The following TACC3 variants were observed in gnomAD, a reference collection of about 807,000 sequenced individuals.
TACC3 encodes transforming acidic coiled-coil-containing protein 3.
TACC3 carries 52 observed loss-of-function variants against 86.0 expected under a neutral mutation model. That is an observed-to-expected ratio of 0.60 (90% confidence interval 0.48 to 0.76). TACC3 has a LOEUF of 0.76. Ranked by LOEUF, TACC3 falls within the 30% of genes least tolerant of loss-of-function variation. TACC3 has a pLI of 0.00. For synonymous variants in TACC3, 512 were observed against 430.0 expected (o/e 1.19, Z -2.36); for missense variants, 1,120 against 1,070.4 (o/e 1.05, Z -0.65).
Position 1,730,841 on chromosome 4 carries a change from G to A in TACC3, c.1386-46G>A, listed in dbSNP as rs531117663. On this transcript the variant is annotated intron_variant, in intron 4 of 15. Coordinates refer to ENST00000313288, the MANE Select transcript of TACC3 (RefSeq NM_006342.3). ...CAGTGCTGGAGCAGGGGACGCCGGG[G>A]TTATGGGGTGGGGGGCATGGGCCTC... 150 of 1,583,242 alleles carry A rather than the reference G, an allele frequency of 9.5e-5. 4 individuals are homozygous for A. In the South Asian group the frequency reaches 1.6e-3, roughly 16 times the overall value.
At chr4:1,720,741 C>T (rs913685057), upstream of TACC3, 1 of 1,575,278 alleles carries the variant, frequency 6.3e-7, no homozygotes, top group Non-Finnish European at 8.6e-7. The surrounding 1 kb of genome is among the most constrained non-coding windows in gnomAD (Gnocchi z 4.4). Flanking sequence ...AGGTTCTGCA[C>T]CGTGAGCCCC....
intron 5 of TACC3, 91 bp downstream of exon 5, chr4:1,731,053 G>T (rs1445678094): frequency 6.3e-7 from 1 of 1,595,576 alleles, no homozygotes; most frequent in African/African-American, 1.3e-5. Context: ...CTTGGGTGAC[G>T]GGGTGGGATG....
Position 1,723,447 on chromosome 4 carries a change from A to AC in TACC3, c.26_27insC (p.Lys9AsnfsTer6), listed in dbSNP as rs1358044372. The AC allele has an allele frequency of 6.2e-7, 1 of 1,613,416 alleles. No homozygotes were observed. Among genetic ancestry groups the AC allele is most frequent in the Non-Finnish European group, 8.5e-7 (1 of 1,179,972 alleles). ...ATGAGTCTGCAGGTCTTAAACGACA[A>AC]AAATGTCAGCAATGAAAAAAATACA... On this transcript the variant is annotated frameshift_variant, in exon 2 of 16. Coordinates refer to ENST00000313288, the MANE Select transcript of TACC3 (RefSeq NM_006342.3). LOFTEE classifies it high-confidence loss of function.
rs566740890 is a variant in TACC3 at position 1,736,124 on chromosome 4, C to T, written c.1748+290C>T. On this transcript the variant is annotated intron_variant, in intron 8 of 15. Coordinates refer to ENST00000313288, the MANE Select transcript of TACC3 (RefSeq NM_006342.3). Reference sequence around the variant, plus strand: ...CTTAAATCTTTTAAGAGTACTTCCTCTAAAACAGAGGTCGGCAGGCCAGGC... The same window carrying T: ...CTTAAATCTTTTAAGAGTACTTCCTTTAAAACAGAGGTCGGCAGGCCAGGC... 1.1e-4 allele frequency among the ~76,000 whole-genome samples: 16 copies of T among 152,336 alleles called. No individual in the cohort carries two copies. In the East Asian group the frequency reaches 3.1e-3, roughly 29 times the overall value.
intron 3 of TACC3, among the ~76,000 whole-genome samples, chr4:1,724,981 G>T (rs1717616825): frequency 1.4e-5 from 2 of 139,046 alleles, no homozygotes; most frequent in Admixed American, 7.9e-5. Flanking sequence ...GCTCAGGCTG[G>T]AGTGCAATGG....
At chr4:1,731,427 T>G (rs779675877) in intron 6 of TACC3, 126 bp downstream of exon 6, 66 of 1,096,876 alleles carry the variant, frequency 6.0e-5, no homozygotes, top group Non-Finnish European at 8.4e-5. Flanking sequence ...TCCCTTGACT[T>G]TGAATGACTC....
In TACC3 at chr4:1,744,793, G is replaced by A. The variant is rs758061197; in HGVS notation, c.2412G>A (p.Gln804=). ...LALQASLRKE[Q]MRIQSLEKTV... ...TCCAGGCCAGCCTGAGGAAGGAGCA[G>A]ATGCGCATCCAGTCGCTGGAGAAGA... Residue 804 remains glutamine (Q), a synonymous_variant, in exon 15 of 16, where the codon CAG becomes CAA. Transcript: ENST00000313288. 1.2e-6 allele frequency: 2 copies of A among 1,612,934 alleles called. No homozygotes were observed. The highest frequency in any genetic ancestry group is 1.7e-6 in the Non-Finnish European group (2 of 1,180,040).
intron 1 of TACC3, 79 bp from the exon 2 acceptor site, chr4:1,723,342 G>A (rs1717511780): frequency 6.1e-6 from 9 of 1,481,084 alleles, no homozygotes; most frequent in African/African-American, 1.4e-5. Flanking sequence ...CGTGCCCCTT[G>A]CAGCAGCTGT....
intron 9 of TACC3, 76 bp downstream of exon 9, chr4:1,737,404 C>A: frequency 7.0e-7 from 1 of 1,428,980 alleles, no homozygotes; most frequent in Non-Finnish European, 9.8e-7. Flanking sequence ...CCTATATTTT[C>A]TATTCCTGGG....
At chr4:1,732,634 A>C (rs1718060148) in intron 6 of TACC3, among the ~76,000 whole-genome samples, 1 of 152,222 alleles carries the variant, frequency 6.6e-6, no homozygotes, top group African/African-American at 2.4e-5. Flanking sequence ...CTGACAGGAT[A>C]GTTGTGGGCC....
rs1438423717 is a variant in TACC3, at chr4:1,728,332, T to G, written c.930T>G (p.Ala310=). 6.2e-7 allele frequency: 1 copy of G among 1,612,930 alleles called. No individual in the cohort carries two copies. Among genetic ancestry groups the G allele is most frequent in the African/African-American group, 1.3e-5 (1 of 74,942 alleles). The change falls in exon 4 of 16, where the codon GCT becomes GCG. Residue 310 remains alanine, a synonymous_variant. Transcript: ENST00000313288. ...ESTAPTNHLV[A]GRAMTLSPQE... Reference sequence around the variant, plus strand: ...CAGCCCCAACCAACCACCTGGTGGCTGGCAGGGCCATGACCCTGAGTCCTC... The same window carrying G: ...CAGCCCCAACCAACCACCTGGTGGCGGGCAGGGCCATGACCCTGAGTCCTC...
intron 1 of TACC3, among the ~76,000 whole-genome samples, chr4:1,722,169 C>T (rs1278484695): frequency 6.6e-6 from 1 of 152,186 alleles, no homozygotes; most frequent in Non-Finnish European, 1.5e-5. Context: ...CAGCCTGGGG[C>T]CGGTCCCTTC....
intron 3 of TACC3, among the ~76,000 whole-genome samples, 187 bp from the exon 4 acceptor site, chr4:1,727,521 C>T (rs567326128): frequency 6.6e-6 from 1 of 152,256 alleles, no homozygotes; most frequent in South Asian, 2.1e-4. Context: ...GGAGCTGGTC[C>T]CTGGGAGGAC....
At chr4:1,731,632 G>A (rs2108695616) in intron 6 of TACC3, among the ~76,000 whole-genome samples, 1 of 152,226 alleles carries the variant, frequency 6.6e-6, no homozygotes, top group South Asian at 2.1e-4. Context: ...AATACTGCTT[G>A]AAACGACCTT....
chr4:1,731,743 C>T (rs1341615381), intron 6 of TACC3, among the ~76,000 whole-genome samples: 1 of 152,156 alleles, frequency 6.6e-6, no homozygotes, highest in African/African-American at 2.4e-5. Flanking sequence ...TCAAGAGATT[C>T]TCCTGCTCAG....
Position 1,745,076 on chromosome 4 carries a change from A to G in TACC3, c.*63A>G, listed in dbSNP as rs376674701. ...TCTGTCTGTCCTGTCTGATTCTCTT[A>G]GGTGTCATGTTCTTTTTTCTGTCTT... On this transcript the variant is annotated 3_prime_UTR_variant, in exon 16 of 16. Coordinates refer to ENST00000313288, the MANE Select transcript of TACC3 (RefSeq NM_006342.3). 2.5e-5 allele frequency: 38 copies of G among 1,499,748 alleles called. No homozygotes were observed. Among genetic ancestry groups the G allele is most frequent in the Non-Finnish European group, 3.2e-5 (35 of 1,107,288 alleles). The allele number at this position is 1,499,748 out of a possible 1,614,324, so 92.9% of individuals were successfully genotyped here. A position where few individuals can be genotyped will look rare whatever the true frequency, so the allele number is the denominator to read the frequency against.
upstream of TACC3, chr4:1,720,730 C>G: frequency 6.4e-7 from 1 of 1,568,690 alleles, no homozygotes; most frequent in South Asian, 1.2e-5. This position sits in a 1 kb window ranked among gnomAD's most constrained non-coding sequence, Gnocchi z 4.4. Flanking sequence ...AGCCCGACAG[C>G]AGGTTCTGCA....
rs1718562222 is a variant in TACC3, at chr4:1,740,856, A to T, written c.2093A>T (p.Lys698Ile). The change falls in exon 13 of 16, where the codon AAA becomes ATA. Residue 698 changes from lysine (K) to isoleucine (I), a missense_variant. Transcript: ENST00000313288. ...EEVQKQKELS[K>I]AEIQKVLKEK... ...GTTCAGAAGCAGAAGGAACTTTCCA[A>T]AGCTGAAATCCAGAAAGTTCTAAAA... The T allele has an allele frequency of 6.2e-7, 1 of 1,611,422 alleles. No homozygotes were observed. Among genetic ancestry groups the T allele is most frequent in the Non-Finnish European group, 8.5e-7 (1 of 1,179,464 alleles).
In TACC3 at chr4:1,740,853, C is replaced by A; in HGVS notation, c.2090C>A (p.Ser697Tyr). The stretch of plus-strand genomic sequence containing the variant: ...GAAGTTCAGAAGCAGAAGGAACTTT[C>A]CAAAGCTGAAATCCAGAAAGTTCTA... ...MEEVQKQKEL[S>Y]KAEIQKVLKE... The change falls in exon 13 of 16, where the codon TCC becomes TAC. Residue 697 changes from serine (S) to tyrosine (Y), a missense_variant. Physicochemically the swap from Ser to Tyr is moderately radical, Grantham distance 144 (BLOSUM62 -2). Transcript: ENST00000313288. 6.2e-7 allele frequency: 1 copy of A among 1,610,912 alleles called. No homozygotes were observed. Among genetic ancestry groups the A allele is most frequent in the Non-Finnish European group, 8.5e-7 (1 of 1,179,284 alleles).
Sources: allele counts gnomAD v4.1 joint callset (sites outside exome capture counted in the v4.1 genomes callset), GRCh38; gene constraint gnomAD v4.1.1; non-coding constraint Gnocchi (gnomAD v3.1); transcripts MANE v1.5; gene names NCBI Gene and HGNC (gene_info 2026-07-23, HGNC 2026-07-21).